The following ARAP2 variants were observed in gnomAD, a reference collection of about 807,000 sequenced individuals.
The protein encoded by ARAP2 is ArfGAP with RhoGAP domain, ankyrin repeat and PH domain 2, also known as arf-GAP with Rho-GAP domain, ANK repeat and PH domain-containing protein 2.
ARAP2 carries 148 observed loss-of-function variants against 194.5 expected under a neutral mutation model. That is an observed-to-expected ratio of 0.76 (90% CI 0.67 to 0.87). ARAP2 has a LOEUF of 0.87. Ranked by LOEUF, ARAP2 falls within the 40% of genes least tolerant of loss-of-function variation. The pLI is 0.00. For missense variants in ARAP2, 2,128 were observed against 1,989.7 expected, an observed-to-expected ratio of 1.07 and a Z score of -1.32; for synonymous variants, 695 against 683.5, an observed-to-expected ratio of 1.02 and a Z score of -0.26.
chr4:36,178,052 C>A (rs747520302), intron 8 of ARAP2, 47 bp from the exon 9 acceptor site: 5 of 1,500,324 alleles, frequency 3.3e-6, no homozygotes, highest in Non-Finnish European at 4.5e-6. Flanking sequence ...ATATAAGTTA[C>A]ATAGACACAG....
intron 2 of ARAP2, among the ~76,000 whole-genome samples, chr4:36,219,699 T>C (rs1748739893): frequency 6.6e-6 from 1 of 152,188 alleles, no homozygotes; most frequent in South Asian, 2.1e-4. Flanking sequence ...TATATATATG[T>C]ATACACACAT....
chr4:36,117,211 T>A, intron 24 of ARAP2, 76 bp from the exon 25 acceptor site: 1 of 1,002,524 alleles, frequency 1.0e-6, no homozygotes, highest in Non-Finnish European at 1.4e-6. Context: ...AAGACAGCTA[T>A]AAAGCCCCAG....
At chr4:36,209,032 G>C (rs994685494) in intron 6 of ARAP2, among the ~76,000 whole-genome samples, 5 of 152,108 alleles carry the variant, frequency 3.3e-5, no homozygotes, top group African/African-American at 1.2e-4. Flanking sequence ...TTCTGAATGT[G>C]CCTGGAGCAT....
chr4:36,018,658 A>C (rs1290842373), intron 6 of ARAP2, among the ~76,000 whole-genome samples: 2 of 152,140 alleles, frequency 1.3e-5, no homozygotes, highest in Non-Finnish European at 2.9e-5. Context: ...TCCCATCGTC[A>C]ACTTTTCCCA....
At chr4:36,053,454 G>A (rs2109256151) in intron 2 of ARAP2, among the ~76,000 whole-genome samples, 1 of 152,038 alleles carries the variant, frequency 6.6e-6, no homozygotes, top group East Asian at 1.9e-4. Flanking sequence ...AAACCAGAAA[G>A]TTACTTTATT....
At chr4:36,243,344 C>T (rs1753920478) in intron 1 of ARAP2, among the ~76,000 whole-genome samples, 1 of 125,770 alleles carries the variant, frequency 8.0e-6, no homozygotes, top group Non-Finnish European at 1.5e-5. Flanking sequence ...AAACCGAAGG[C>T]TGTATTCTAC....
At chr4:36,106,895 T>C (rs1219378188) in intron 27 of ARAP2, among the ~76,000 whole-genome samples, 1 of 152,014 alleles carries the variant, frequency 6.6e-6, no homozygotes, top group Admixed American at 6.6e-5. Flanking sequence ...CTTAGCTTAT[T>C]GAGTTGGATT....
intron 27 of ARAP2, among the ~76,000 whole-genome samples, chr4:36,103,322 C>T (rs920868982): frequency 6.6e-6 from 1 of 151,536 alleles, no homozygotes; most frequent in African/African-American, 2.4e-5. Context: ...GTATCATATT[C>T]TATTGGGATA....
At chr4:36,163,645 G>T (rs558593926) in intron 11 of ARAP2, among the ~76,000 whole-genome samples, 1 of 152,260 alleles carries the variant, frequency 6.6e-6, no homozygotes, top group South Asian at 2.1e-4. Context: ...CCTGATGGTG[G>T]TAATGAGACA....
At chr4:36,163,133 G>A (rs957382883) in intron 11 of ARAP2, among the ~76,000 whole-genome samples, 3 of 152,128 alleles carry the variant, frequency 2.0e-5, no homozygotes, top group African/African-American at 4.8e-5. Flanking sequence ...GCTTAAAAAT[G>A]AGTGTGGAAT....
At chr4:36,164,498 C>T (rs1312860899) in intron 11 of ARAP2, among the ~76,000 whole-genome samples, 1 of 152,028 alleles carries the variant, frequency 6.6e-6, no homozygotes, top group Non-Finnish European at 1.5e-5. Flanking sequence ...TTAAGAGGTA[C>T]CAGATCTGGC....
At chr4:36,190,185 A>G (rs1205388557) in intron 7 of ARAP2, among the ~76,000 whole-genome samples, 2 of 152,182 alleles carry the variant, frequency 1.3e-5, no homozygotes, top group Admixed American at 6.5e-5. Flanking sequence ...TTCAGCATAA[A>G]TATATCCTCC....
intron 5 of ARAP2, among the ~76,000 whole-genome samples, chr4:36,038,339 T>C (rs138625296): frequency 2.0e-5 from 3 of 152,304 alleles, no homozygotes; most frequent in East Asian, 3.9e-4. Flanking sequence ...CAGGGAATAA[T>C]GGAGGTCAGA....
intron 8 of ARAP2, among the ~76,000 whole-genome samples, chr4:36,182,794 C>T (rs1248459141): frequency 1.3e-5 from 2 of 152,116 alleles, no homozygotes; most frequent in African/African-American, 4.8e-5. Context: ...CCTGAGGCTT[C>T]TATTTGCTGA....
chr4:36,217,858 A>G (rs1411205731), intron 2 of ARAP2, among the ~76,000 whole-genome samples: 3 of 151,424 alleles, frequency 2.0e-5, no homozygotes. Flanking sequence ...ATAATACTAG[A>G]TAATACTAGA....
intron 1 of ARAP2, among the ~76,000 whole-genome samples, chr4:36,236,399 C>G (rs1050516033): frequency 7.2e-5 from 11 of 152,056 alleles, no homozygotes; most frequent in Non-Finnish European, 5.9e-5. Context: ...CTAGAATCAC[C>G]TTTGCCTAAC....
intron 8 of ARAP2, among the ~76,000 whole-genome samples, chr4:36,182,034 G>T (rs1316192394): frequency 6.6e-6 from 1 of 152,152 alleles, no homozygotes; most frequent in African/African-American, 2.4e-5. Flanking sequence ...ATGTAACAAG[G>T]CCCTGAGACA....
At chr4:36,108,149 C>G (rs1718916471) in intron 26 of ARAP2, among the ~76,000 whole-genome samples, 1 of 151,914 alleles carries the variant, frequency 6.6e-6, no homozygotes, top group African/African-American at 2.4e-5. Context: ...CCTCCCACCA[C>G]TGCCTCCCAA....
At chr4:36,122,338 T>A (rs370638365) in intron 22 of ARAP2, among the ~76,000 whole-genome samples, 7 of 151,846 alleles carry the variant, frequency 4.6e-5, no homozygotes, top group Admixed American at 2.6e-4. Flanking sequence ...TGCAGCACTG[T>A]TCACAAAACC....
Sources: gnomAD v4.1 joint callset for allele counts (sites outside exome capture counted in the v4.1 genomes callset) on GRCh38, gnomAD v4.1.1 for gene constraint, MANE v1.5 for transcripts, NCBI Gene and HGNC (gene_info 2026-07-23, HGNC 2026-07-21) for gene names.